KDM4B: variants seen among roughly 807,000 people sequenced by gnomAD.
KDM4B encodes the protein lysine-specific demethylase 4B.
KDM4B carries 32 observed loss-of-function variants against 125.2 expected under a neutral mutation model. That is an observed-to-expected ratio of 0.26 (90% CI 0.19 to 0.34). The LOEUF is 0.34. KDM4B is among the 10% of genes least tolerant of loss of function. The pLI is 1.00. For missense variants in KDM4B, 1,190 were observed against 1,577.7 expected (o/e 0.75, Z 4.16); for synonymous variants, 721 against 677.9 (o/e 1.06, Z -0.99).
intron 1 of KDM4B, among the ~76,000 whole-genome samples, chr19:4,987,686 A>G (rs576466547): frequency 6.6e-6 from 1 of 152,134 alleles, no homozygotes; most frequent in African/African-American, 2.4e-5. Flanking sequence ...AGGCCTCCCA[A>G]AGTGCTGGGA....
Position 5,049,955 on chromosome 19 carries a change from TG to T in KDM4B, c.626+2289del, listed in dbSNP as rs1387330440. Among the ~76,000 whole-genome samples, 4 of 152,082 alleles carry T rather than the reference TG, an allele frequency of 2.6e-5. 1 individual carries two copies. The highest frequency in any genetic ancestry group is 5.9e-5 in the Non-Finnish European group (4 of 68,002). ...GAAAGAGTGTCTGGCCTCTGGTCCC[TG>T]GGCTGGGGTTCAGGAAGCTACTCAG... On this transcript the variant is annotated intron_variant, in intron 6 of 22. Coordinates refer to ENST00000159111, the MANE Select transcript of KDM4B (RefSeq NM_015015.3).
rs2035223951 is a variant in KDM4B at position 4,997,032 on chromosome 19, G to T, written c.-108-19225G>T. On this transcript the variant is annotated intron_variant, in intron 1 of 22. Transcript: ENST00000159111. This position sits in a 1 kb window ranked among gnomAD's most constrained non-coding sequence, Gnocchi z 4.2. ...GCATGGTTGGGCAGTGTGGGTCTGGGTGAGTGGGTTCTTTGCATCCCTGGC... is the reference window on the plus strand; with the variant it reads ...GCATGGTTGGGCAGTGTGGGTCTGGTTGAGTGGGTTCTTTGCATCCCTGGC... 1.3e-5 allele frequency among the ~76,000 whole-genome samples: 2 copies of T among 152,036 alleles called. No homozygotes were observed. Among genetic ancestry groups the T allele is most frequent in the South Asian group, 4.1e-4 (2 of 4,820 alleles).
In KDM4B at chr19:4,971,940, G is replaced by T. The variant is rs2034273104; in HGVS notation, c.-109+2710G>T. ...GGGACGGAGAGCAGATGAACAGGGT[G>T]GGGGCTCGGGGCGGGGGGAGCTCCG... On this transcript the variant is annotated intron_variant, in intron 1 of 22. Transcript: ENST00000159111. This position sits in a 1 kb window ranked among gnomAD's most constrained non-coding sequence, Gnocchi z 4.1. Among the ~76,000 whole-genome samples, 2 of 152,010 alleles carry T rather than the reference G, an allele frequency of 1.3e-5. No individual in the cohort carries two copies. Among genetic ancestry groups the T allele is most frequent in the Non-Finnish European group, 2.9e-5 (2 of 67,972 alleles).
chr19:4,973,149 TC>T (rs1568197560), intron 1 of KDM4B, among the ~76,000 whole-genome samples: 1 of 152,200 alleles, frequency 6.6e-6, no homozygotes, highest in Non-Finnish European at 1.5e-5. Flanking sequence ...AACAGTAATG[TC>T]CCCAGAGTTG....
chr19:5,013,044 G>A (rs567361840), intron 1 of KDM4B, among the ~76,000 whole-genome samples: 1 of 152,336 alleles, frequency 6.6e-6, no homozygotes, highest in African/African-American at 2.4e-5. Context: ...GAGAACTGGG[G>A]CCCGGCCTCA....
At chr19:5,001,119 C>T (rs2035370753) in intron 1 of KDM4B, among the ~76,000 whole-genome samples, 1 of 151,752 alleles carries the variant, frequency 6.6e-6, no homozygotes, top group Non-Finnish European at 1.5e-5. Context: ...GCAGCCTTCA[C>T]CTCCTGGGTT....
intron 2 of KDM4B, among the ~76,000 whole-genome samples, chr19:5,027,012 G>A (rs1403024798): frequency 1.3e-5 from 2 of 152,238 alleles, no homozygotes; most frequent in Non-Finnish European, 2.9e-5. Context: ...CCACGGGGCA[G>A]CCGAGGCCTC....
chr19:5,114,043 G>A lies in KDM4B; in HGVS notation c.1115+3225G>A, dbSNP rs566890900. The A allele has an allele frequency of 3.0e-5, 38 of 1,286,126 alleles. No homozygotes were observed. The highest frequency in any genetic ancestry group is 1.4e-4 in the Admixed American group (6 of 43,098). 79.7% of individuals were successfully genotyped at this position (1,286,126 alleles called of 1,614,324 possible). ...TATTCTTCCCCCTGATGGATGGGTC[G>A]CCTAAAACTGCAGCCTGGCTCCTGG... On this transcript the variant is annotated intron_variant, in intron 10 of 22. Coordinates refer to ENST00000159111, the MANE Select transcript of KDM4B (RefSeq NM_015015.3). This position sits in a 1 kb window ranked among gnomAD's most constrained non-coding sequence, Gnocchi z 5.8.
At chr19:5,101,222 CAA>C (rs751379008) in intron 9 of KDM4B, among the ~76,000 whole-genome samples, 19 of 85,600 alleles carry the variant, frequency 2.2e-4, no homozygotes, top group South Asian at 4.2e-4. Context: ...GACTCCGTCT[CAA>C]AAAAAAAAAA....
chr19:5,103,574 C>T (rs1008410177), intron 9 of KDM4B, among the ~76,000 whole-genome samples: 3 of 152,182 alleles, frequency 2.0e-5, no homozygotes, highest in Admixed American at 6.5e-5. Flanking sequence ...CCAGCAGCAG[C>T]GGTGCTGAGG....
intron 9 of KDM4B, among the ~76,000 whole-genome samples, chr19:5,106,077 T>C (rs539916549): frequency 6.6e-6 from 1 of 152,374 alleles, no homozygotes; most frequent in South Asian, 2.1e-4. Context: ...AATTGGGCTC[T>C]TGCTATATTC....
At position 5,110,860 on chromosome 19, in the gene KDM4B, G is replaced by A. The variant is rs183182045; in HGVS notation, c.1115+42G>A. The A allele has an allele frequency of 3.5e-4, 514 of 1,482,566 alleles. 1 individual carries two copies. The African/African-American group carries it at 6.1e-3, about 18-fold the overall frequency. 91.8% of individuals were successfully genotyped at this position (1,482,566 alleles called of 1,614,324 possible). A position where few individuals can be genotyped will look rare whatever the true frequency, so the allele number is the denominator to read the frequency against. On this transcript the variant is annotated intron_variant, in intron 10 of 22. Transcript: ENST00000159111. ...CTGCCGCGTGACTGCCCAGCATCACGGGGGGTGGCCCTGCTGGGTGGCCCA... is the reference window on the plus strand; with the variant it reads ...CTGCCGCGTGACTGCCCAGCATCACAGGGGGTGGCCCTGCTGGGTGGCCCA...
chr19:5,085,775 TGTGGCCGTCGGGGGGGTCG>T (rs973417640), intron 9 of KDM4B, among the ~76,000 whole-genome samples: 7 of 152,226 alleles, frequency 4.6e-5, no homozygotes, highest in African/African-American at 1.7e-4. Flanking sequence ...ACAAGGCCTC[TGTGGCCGTCGGGGGGGTCG>T]GTGGCTCTCA....
At chr19:5,044,616 T>C (rs2036965306) in intron 5 of KDM4B, among the ~76,000 whole-genome samples, 1 of 152,314 alleles carries the variant, frequency 6.6e-6, no homozygotes, top group East Asian at 1.9e-4. Flanking sequence ...TGGCGCAATC[T>C]CAGCTCTCTG....
At chr19:5,092,454 G>A (rs978503327) in intron 9 of KDM4B, among the ~76,000 whole-genome samples, 3 of 152,156 alleles carry the variant, frequency 2.0e-5, no homozygotes, top group African/African-American at 7.2e-5. Context: ...TCGGGATCAC[G>A]CCCTCTAATA....
chr19:5,130,304 TG>T (rs2039519680), intron 11 of KDM4B, among the ~76,000 whole-genome samples: 1 of 152,178 alleles, frequency 6.6e-6, no homozygotes, highest in African/African-American at 2.4e-5. Context: ...CGCACGCTTC[TG>T]GGGGCTGTGA....
At chr19:5,019,684 G>A (rs1345488137) in intron 2 of KDM4B, among the ~76,000 whole-genome samples, 1 of 149,320 alleles carries the variant, frequency 6.7e-6, no homozygotes, top group Non-Finnish European at 1.5e-5. Context: ...ATGTTGGTGT[G>A]CAGGTGTTGG....
intron 5 of KDM4B, 31 bp from the exon 6 acceptor site, chr19:5,047,445 C>A: frequency 1.3e-6 from 2 of 1,570,036 alleles, no homozygotes; most frequent in Non-Finnish European, 1.7e-6. Context: ...GGTGGCCGGG[C>A]GGTTGCCGAC....
intron 1 of KDM4B, among the ~76,000 whole-genome samples, chr19:4,990,756 A>T (rs553577363): frequency 6.6e-6 from 1 of 152,224 alleles, no homozygotes; most frequent in African/African-American, 2.4e-5. Context: ...AAGGATATTT[A>T]TAAACCCGGA....
Sources: allele counts gnomAD v4.1 joint callset (sites outside exome capture counted in the v4.1 genomes callset), GRCh38; gene constraint gnomAD v4.1.1; non-coding constraint Gnocchi (gnomAD v3.1); transcripts MANE v1.5; gene names NCBI Gene and HGNC (gene_info 2026-07-23, HGNC 2026-07-21).